CHRNA5: variants seen among roughly 807,000 people sequenced by gnomAD.
The protein encoded by CHRNA5 is cholinergic receptor nicotinic alpha 5 subunit, also known as neuronal acetylcholine receptor subunit alpha-5.
In CHRNA5, 28 loss-of-function variants were observed where a neutral mutation model predicts 41.2. The ratio of observed to expected loss-of-function variants is 0.68; its 90% CI spans 0.50 to 0.93. The LOEUF (loss-of-function observed/expected upper bound fraction) is 0.93. Ranked by LOEUF, CHRNA5 falls within the 40% of genes least tolerant of loss-of-function variation. The pLI, the probability that CHRNA5 is intolerant of heterozygous loss-of-function variation, is 0.00. For synonymous variants in CHRNA5, 188 were observed against 205.8 expected (o/e 0.91, Z 0.74); for missense variants, 481 against 581.9 (o/e 0.83, Z 1.78).
chr15:78,573,629 TTAA>T (rs1407601384), intron 1 of CHRNA5, among the ~76,000 whole-genome samples: 1 of 152,188 alleles, frequency 6.6e-6, no homozygotes, highest in Non-Finnish European at 1.5e-5. Context: ...TAAATTATAG[TTAA>T]TGTCTGTTTT....
In CHRNA5 at chr15:78,570,183, T is replaced by C. The variant is rs2052788809; in HGVS notation, c.106+4358T>C. On this transcript the variant is annotated intron_variant, in intron 1 of 5. Transcript: ENST00000299565. ...ATTATTTAAAATCATCCTTTTCTGT[T>C]CTATGATGAAAAATGTTAATTTAGA... is the stretch of plus-strand genomic sequence containing the variant. 2.0e-5 allele frequency among the ~76,000 whole-genome samples: 3 copies of C among 152,294 alleles called. No homozygotes were observed. The South Asian group carries it at 6.2e-4, about 32-fold the overall frequency.
At chr15:78,583,407 C>T (rs943800938) in intron 2 of CHRNA5, among the ~76,000 whole-genome samples, 2 of 152,094 alleles carry the variant, frequency 1.3e-5, no homozygotes, top group African/African-American at 4.8e-5. Context: ...TTGAAAAATA[C>T]TGTCGGCCGG....
At chr15:78,574,972 T>TG (rs1555415133) in intron 1 of CHRNA5, among the ~76,000 whole-genome samples, 1 of 135,274 alleles carries the variant, frequency 7.4e-6, no homozygotes, top group Non-Finnish European at 1.6e-5. Flanking sequence ...GACCCTGTCT[T>TG]AAAAAAAAAA....
At chr15:78,591,999 A>G (rs147394544) in intron 5 of CHRNA5, among the ~76,000 whole-genome samples, 149 of 152,370 alleles carry the variant, frequency 9.8e-4, no homozygotes, top group African/African-American at 3.2e-3. Flanking sequence ...TACTAGGACC[A>G]AGGAGGTTGG....
At chr15:78,593,028 T>C in intron 5 of CHRNA5, 64 bp from the exon 6 acceptor site, 1 of 1,561,238 alleles carries the variant, frequency 6.4e-7, no homozygotes, top group South Asian at 1.2e-5. Context: ...AGTGTGTTTG[T>C]TATATCTTAA....
intron 1 of CHRNA5, among the ~76,000 whole-genome samples, chr15:78,568,431 A>T (rs988688776): frequency 6.6e-6 from 1 of 151,832 alleles, no homozygotes; most frequent in Non-Finnish European, 1.5e-5. Flanking sequence ...GCCAATGGTT[A>T]TATTTCTTAG....
intron 1 of CHRNA5, among the ~76,000 whole-genome samples, chr15:78,578,218 CT>C (rs1409272208): frequency 6.6e-6 from 1 of 152,166 alleles, no homozygotes; most frequent in Non-Finnish European, 1.5e-5. Context: ...GTATCTTAAA[CT>C]AGTTACTGCC....
intron 2 of CHRNA5, among the ~76,000 whole-genome samples, chr15:78,583,112 G>C (rs1244404802): frequency 6.6e-6 from 1 of 152,108 alleles, no homozygotes. Context: ...TCAAAGCTGG[G>C]TGAACTTTAT....
chr15:78,593,107 A>C (rs934230114), exon 6 of CHRNA5: 1 of 1,607,116 alleles, frequency 6.2e-7, no homozygotes, highest in South Asian at 1.1e-5. Context: ...TGAAGATTGG[A>C]AATTCATAGC....
intron 1 of CHRNA5, among the ~76,000 whole-genome samples, chr15:78,571,915 A>G (rs2052809232): frequency 6.6e-6 from 1 of 152,156 alleles, no homozygotes; most frequent in Non-Finnish European, 1.5e-5. Flanking sequence ...CGTTTACAAA[A>G]TGGTTACGTT....
intron 5 of CHRNA5, among the ~76,000 whole-genome samples, chr15:78,591,465 T>G (rs1210820684): frequency 2.0e-5 from 3 of 152,080 alleles, no homozygotes; most frequent in Non-Finnish European, 4.4e-5. Flanking sequence ...ATTTCTTCTA[T>G]TGTGTATTAT....
chr15:78,588,478 C>G lies in CHRNA5; in HGVS notation c.413+55C>G, dbSNP rs1435677712. The G allele has an allele frequency of 1.2e-6, 1 of 804,546 alleles. No individual in the cohort carries two copies. The highest frequency in any genetic ancestry group is 3.3e-5 in the Admixed American group (1 of 29,920). The allele number at this position is 804,546 out of a possible 1,614,324, so 49.8% of individuals were successfully genotyped here. On this transcript the variant is annotated intron_variant, in intron 4 of 5. Transcript: ENST00000299565. The surrounding 1 kb of genome is among the most constrained non-coding windows in gnomAD (Gnocchi z 4.1). ...TTTTCAAAAGAAAACATTTGTATTT[C>G]TATTAGGCACTAATAATTTTTCTCC...
intron 1 of CHRNA5, among the ~76,000 whole-genome samples, chr15:78,566,087 A>G (rs994787206): frequency 1.3e-5 from 2 of 152,096 alleles, no homozygotes; most frequent in Non-Finnish European, 2.9e-5. Context: ...CTTAGCGTAT[A>G]CTTCCACACA....
intron 1 of CHRNA5, among the ~76,000 whole-genome samples, chr15:78,566,902 A>G (rs1479164569): frequency 1.3e-5 from 2 of 152,208 alleles, no homozygotes; most frequent in African/African-American, 2.4e-5. Context: ...CCTGTATTCA[A>G]ATTATGGCTC....
exon 5 of CHRNA5, chr15:78,590,181 C>T: frequency 6.2e-7 from 1 of 1,614,032 alleles, no homozygotes; most frequent in Non-Finnish European, 8.5e-7. Context: ...CTGTATTGGG[C>T]TCTCATTTTT....
At chr15:78,577,349 A>G (rs2052868121) in intron 1 of CHRNA5, among the ~76,000 whole-genome samples, 1 of 152,234 alleles carries the variant, frequency 6.6e-6, no homozygotes. Flanking sequence ...GCCAGCTAAA[A>G]AAGCATGACT....
intron 2 of CHRNA5, among the ~76,000 whole-genome samples, chr15:78,583,073 T>C (rs1027865836): frequency 1.3e-5 from 2 of 152,180 alleles, no homozygotes; most frequent in Non-Finnish European, 2.9e-5. Flanking sequence ...TTACACTCAC[T>C]GGTACTCATG....
In CHRNA5 at chr15:78,578,548, C is replaced by G. The variant is rs192435687; in HGVS notation, c.107-2263C>G. ...AAATAAATAATTTTTTAAAATTAAA[C>G]TAGTTATTCAGGGAAGCAGGACACA... On this transcript the variant is annotated intron_variant, in intron 1 of 5. Coordinates refer to ENST00000299565, the Ensembl canonical transcript of CHRNA5. 3.3e-4 allele frequency among the ~76,000 whole-genome samples: 50 copies of G among 152,136 alleles called. No individual in the cohort carries two copies. In the East Asian group the frequency reaches 6.4e-3, roughly 19 times the overall value.
chr15:78,593,341 T>A, exon 6 of CHRNA5: 1 of 1,316,366 alleles, frequency 7.6e-7, no homozygotes, highest in South Asian at 1.7e-5. Context: ...AGTTATGTGT[T>A]AAATTTAGTG....
Sources: gnomAD v4.1 joint callset for allele counts (sites outside exome capture counted in the v4.1 genomes callset) on GRCh38, gnomAD v4.1.1 for gene constraint, Gnocchi (gnomAD v3.1) non-coding constraint, MANE v1.5 for transcripts, NCBI Gene and HGNC (gene_info 2026-07-23, HGNC 2026-07-21) for gene names.